The following MAPK8 variants were observed in gnomAD, a reference collection of about 807,000 sequenced individuals.
MAPK8 encodes the protein JUN N-terminal kinase.
MAPK8 carries 13 observed loss-of-function variants against 52.9 expected under a neutral mutation model. The ratio of observed to expected loss-of-function variants is 0.25; its 90% confidence interval spans 0.16 to 0.39. The LOEUF is 0.39. Ranked by LOEUF, MAPK8 falls within the 10% of genes least tolerant of loss-of-function variation. The pLI, the probability that MAPK8 is intolerant of heterozygous loss-of-function variation, is 1.00. For missense variants in MAPK8, 300 were observed against 519.2 expected (o/e 0.58, Z 4.10); for synonymous variants, 191 against 169.8 (o/e 1.12, Z -0.97).
At chr10:48,359,713 G>C (rs1564528076) in intron 1 of MAPK8, among the ~76,000 whole-genome samples, 1 of 151,730 alleles carries the variant, frequency 6.6e-6, no homozygotes, top group African/African-American at 2.4e-5. Context: ...ATAGACACAT[G>C]AAAAAAAATA....
rs763709395 is a variant in MAPK8, at chr10:48,424,186, ATTAG to A, written c.688+32_688+35del. The A allele has an allele frequency of 8.2e-6, 13 of 1,587,078 alleles. No individual in the cohort carries two copies. The East Asian group carries it at 2.0e-4, about 25-fold the overall frequency. On this transcript the variant is annotated intron_variant, in intron 7 of 11. Transcript: ENST00000374189. ...TATCCTTGTGCTGCTGCAGCAGTTAATTAGTTAGGCGATGAACTTCTTTATGTTC... is the reference window on the plus strand; with the variant it reads ...TATCCTTGTGCTGCTGCAGCAGTTAATTAGGCGATGAACTTCTTTATGTTC...
rs544796598 is a variant in MAPK8 at position 48,395,134 on chromosome 10, C to A, written c.-49-6478C>A. ...CAATTCTAGTCAATATCTTTGCAGGCCTTTTTTGTAAAAATTGACAAGCTT... is the reference window on the plus strand; with the variant it reads ...CAATTCTAGTCAATATCTTTGCAGGACTTTTTTGTAAAAATTGACAAGCTT... On this transcript the variant is annotated intron_variant, in intron 1 of 11. Coordinates refer to ENST00000374189, the MANE Select transcript of MAPK8 (RefSeq NM_001323329.2). 7.2e-5 allele frequency among the ~76,000 whole-genome samples: 11 copies of A among 151,912 alleles called. No homozygotes were observed. The South Asian group carries it at 2.3e-3, about 31-fold the overall frequency.
chr10:48,410,983 T>C (rs949085221), intron 5 of MAPK8, among the ~76,000 whole-genome samples: 13 of 152,204 alleles, frequency 8.5e-5, no homozygotes, highest in African/African-American at 3.1e-4. Flanking sequence ...TGTTTGTCTT[T>C]TTGTTGTTGT....
At chr10:48,325,520 A>AGTTT (rs2132197085) in intron 1 of MAPK8, among the ~76,000 whole-genome samples, 1 of 152,302 alleles carries the variant, frequency 6.6e-6, no homozygotes, top group East Asian at 1.9e-4. Context: ...TCTTTTTAAA[A>AGTTT]TAGTCTTCAT....
At chr10:48,426,642 ACTACGTC>A in intron 9 of MAPK8, 138 bp downstream of exon 9, 1 of 792,962 alleles carries the variant, frequency 1.3e-6, no homozygotes, top group Admixed American at 3.3e-5. Flanking sequence ...CTTCATGAAG[ACTACGTC>A]AAATAAACTA....
intron 1 of MAPK8, among the ~76,000 whole-genome samples, chr10:48,320,760 T>C (rs1195767217): frequency 6.6e-6 from 1 of 152,214 alleles, no homozygotes; most frequent in Non-Finnish European, 1.5e-5. Context: ...TGCTGGGTCA[T>C]ATGGGTAACT....
chr10:48,332,431 T>C (rs1291408703), intron 1 of MAPK8, among the ~76,000 whole-genome samples: 1 of 152,208 alleles, frequency 6.6e-6, no homozygotes, highest in South Asian at 2.1e-4. Flanking sequence ...ATGACTCCTT[T>C]TGTGTAATAT....
intron 11 of MAPK8, among the ~76,000 whole-genome samples, chr10:48,432,681 G>A (rs571793009): frequency 2.2e-4 from 33 of 152,318 alleles, no homozygotes; most frequent in African/African-American, 7.9e-4. Context: ...GGCACAGCTG[G>A]AGTGCCAGAT....
intron 1 of MAPK8, among the ~76,000 whole-genome samples, chr10:48,343,570 A>G (rs896600502): frequency 2.0e-5 from 3 of 152,206 alleles, no homozygotes; most frequent in African/African-American, 4.8e-5. Flanking sequence ...CAAGGATTCA[A>G]TTGATCAGCA....
intron 1 of MAPK8, among the ~76,000 whole-genome samples, chr10:48,354,212 G>T (rs1263608337): frequency 6.6e-6 from 1 of 152,074 alleles, no homozygotes; most frequent in Non-Finnish European, 1.5e-5. Context: ...GTTCTTAAGA[G>T]AAAAAAAGAA....
intron 1 of MAPK8, among the ~76,000 whole-genome samples, chr10:48,331,276 G>A (rs1358940717): frequency 6.6e-6 from 1 of 152,190 alleles, no homozygotes; most frequent in Non-Finnish European, 1.5e-5. Flanking sequence ...AAATCTTACA[G>A]TCTGGGATGC....
chr10:48,322,774 G>A (rs996103608), intron 1 of MAPK8, among the ~76,000 whole-genome samples: 23 of 152,102 alleles, frequency 1.5e-4, no homozygotes, highest in African/African-American at 2.4e-4. Flanking sequence ...AAATGGCCCC[G>A]GATGCCAGAC....
chr10:48,349,610 C>T (rs1432557699), intron 1 of MAPK8, among the ~76,000 whole-genome samples: 2 of 152,206 alleles, frequency 1.3e-5, no homozygotes, highest in African/African-American at 4.8e-5. Flanking sequence ...CTCTGGGACA[C>T]AGCTAAAGCA....
At position 48,431,188 on chromosome 10, in the gene MAPK8, T is replaced by C; in HGVS notation, c.1061-5T>C. The C allele has an allele frequency of 2.5e-6, 4 of 1,588,262 alleles. No individual in the cohort carries two copies. Among genetic ancestry groups the C allele is most frequent in the Non-Finnish European group, 3.5e-6 (4 of 1,156,728 alleles). On this transcript the variant is annotated splice_region_variant and splice_polypyrimidine_tract_variant and intron_variant, in intron 10 of 11. Transcript: ENST00000374189. ...AAAGTTCATTTTTGTTTACTTCTTT[T>C]ACAGAATTGATATATAAGGAAGTTA... is the stretch of plus-strand genomic sequence containing the variant.
chr10:48,314,473 A>G (rs1003947419), intron 1 of MAPK8, among the ~76,000 whole-genome samples: 1 of 152,204 alleles, frequency 6.6e-6, no homozygotes, highest in Non-Finnish European at 1.5e-5. Context: ...GGTAGTTTTC[A>G]GACTTTTGCT....
intron 1 of MAPK8, among the ~76,000 whole-genome samples, chr10:48,382,298 A>G (rs1246332221): frequency 6.6e-6 from 1 of 152,214 alleles, no homozygotes; most frequent in Non-Finnish European, 1.5e-5. Flanking sequence ...TATTTTACCA[A>G]CAATTAAAAA....
rs1344453632 is a variant in MAPK8, at chr10:48,362,735, TA to T, written c.-49-38876del. The stretch of plus-strand genomic sequence containing the variant: ...TAATTTGTGATTTCCAAAATTTTAT[TA>T]GTTTTTTTTTTTTTTTTTTTTGAGA... On this transcript the variant is annotated intron_variant, in intron 1 of 11. Transcript: ENST00000374189. Among the ~76,000 whole-genome samples the T allele has an allele frequency of 3.1e-4, 42 of 133,840 alleles. 1 individual carries two copies. In the Middle Eastern group the frequency reaches 0.012, roughly 39 times the overall value. 87.8% of individuals were successfully genotyped at this position (133,840 alleles called of 152,430 possible).
At chr10:48,324,924 A>G (rs1843353967) in intron 1 of MAPK8, among the ~76,000 whole-genome samples, 3 of 150,062 alleles carry the variant, frequency 2.0e-5, no homozygotes, top group Admixed American at 2.0e-4. Flanking sequence ...TGAGCTTTGA[A>G]TCAGTTATTT....
intron 6 of MAPK8, among the ~76,000 whole-genome samples, chr10:48,421,154 C>T (rs2043331248): frequency 6.6e-6 from 1 of 152,242 alleles, no homozygotes; most frequent in Middle Eastern, 3.4e-3. Flanking sequence ...TCTGGAATAG[C>T]AGTTCATTTT....
Sources: gnomAD v4.1 joint callset for allele counts (sites outside exome capture counted in the v4.1 genomes callset) on GRCh38, gnomAD v4.1.1 for gene constraint, MANE v1.5 for transcripts, NCBI Gene and HGNC (gene_info 2026-07-23, HGNC 2026-07-21) for gene names.